Variants in GLG1 observed in about 807,000 individuals in gnomAD.
GLG1 encodes the protein Golgi apparatus protein 1.
Under a neutral mutation model 160.5 loss-of-function variants are expected in GLG1, and 38 were observed. The observed-to-expected ratio is 0.24, with a 90% CI of 0.18 to 0.31. The LOEUF (loss-of-function observed/expected upper bound fraction) is 0.31, where lower values mean the gene tolerates loss of function less well. GLG1 is among the 10% of genes least tolerant of loss of function. The probability of loss-of-function intolerance (pLI) is 1.00; values close to 1 mark genes in which losing one functional copy is unlikely to be tolerated. For missense variants in GLG1, 1,373 were observed against 1,505.2 expected (o/e 0.91, Z 1.45); for synonymous variants, 644 against 543.4 (o/e 1.19, Z -2.57).
chr16:74,554,247 A>T (rs2018287901), intron 1 of GLG1, among the ~76,000 whole-genome samples: 1 of 152,202 alleles, frequency 6.6e-6, no homozygotes, highest in African/African-American at 2.4e-5. Flanking sequence ...AATAAATGGG[A>T]GGAGAGCCAG....
chr16:74,557,892 G>C (rs1371517990), intron 1 of GLG1, among the ~76,000 whole-genome samples: 1 of 152,000 alleles, frequency 6.6e-6, no homozygotes, highest in Non-Finnish European at 1.5e-5. Context: ...GCCATAGAAA[G>C]TGTCCTGTCT....
intron 1 of GLG1, among the ~76,000 whole-genome samples, chr16:74,599,547 C>G (rs1038489875): frequency 6.6e-6 from 1 of 152,032 alleles, no homozygotes; most frequent in Non-Finnish European, 1.5e-5. Context: ...GGTGAAAACC[C>G]GTCTCTACTA....
intron 13 of GLG1, among the ~76,000 whole-genome samples, chr16:74,474,002 G>C (rs1180496608): frequency 6.6e-6 from 1 of 151,962 alleles, no homozygotes; most frequent in Admixed American, 6.6e-5. Flanking sequence ...TGCCCAGGCT[G>C]GAGTACAGTG....
At chr16:74,490,130 G>A (rs1032841144) in intron 8 of GLG1, among the ~76,000 whole-genome samples, 3 of 152,102 alleles carry the variant, frequency 2.0e-5, no homozygotes, top group Non-Finnish European at 4.4e-5. Context: ...AGGGCACACT[G>A]GTGCACATGG....
Position 74,606,917 on chromosome 16 carries a change from C to T in GLG1, c.178G>A (p.Gly60Ser). ...TGAGGCAGCTGGGGCAGCTGCTGACCCGCCGGGCCGCCGCCTCCGGCCTGC... is the reference window on the plus strand; with the variant it reads ...TGAGGCAGCTGGGGCAGCTGCTGACTCGCCGGGCCGCCGCCTCCGGCCTGC... ...VGQAGGGGPA[G>S]QQLPQLPQSS... The change falls in exon 1 of 26, where the codon GGT (glycine) becomes AGT (serine). Residue 60 changes from glycine (G) to serine (S), a missense_variant. Gly to Ser is a moderately conservative substitution (Grantham distance 56, BLOSUM62 0). Transcript: ENST00000422840. The T allele has an allele frequency of 6.2e-7, 1 of 1,606,330 alleles. No homozygotes were observed. The highest frequency in any genetic ancestry group is 8.5e-7 in the Non-Finnish European group (1 of 1,178,082).
intron 1 of GLG1, among the ~76,000 whole-genome samples, chr16:74,532,536 T>G (rs2017570797): frequency 6.6e-6 from 1 of 152,176 alleles, no homozygotes; most frequent in Non-Finnish European, 1.5e-5. Flanking sequence ...ATTTTTTATT[T>G]TTTTTGAGAC....
At chr16:74,473,766 T>C (rs1259998445) in intron 13 of GLG1, among the ~76,000 whole-genome samples, 24 of 151,956 alleles carry the variant, frequency 1.6e-4, no homozygotes, top group Admixed American at 1.6e-3. Flanking sequence ...AATATTTTAG[T>C]GGGTTTCAGG....
intron 1 of GLG1, among the ~76,000 whole-genome samples, chr16:74,585,727 A>AAG (rs1246125984): frequency 1.4e-5 from 2 of 146,806 alleles, no homozygotes; most frequent in Admixed American, 6.8e-5. Context: ...AAAAAAAAAA[A>AAG]GGCCTCTAAG....
chr16:74,598,814 G>T (rs533738838), intron 1 of GLG1, among the ~76,000 whole-genome samples: 1 of 151,788 alleles, frequency 6.6e-6, no homozygotes, highest in African/African-American at 2.4e-5. Context: ...AACCCGAGAG[G>T]TGGAGGTTGC....
intron 17 of GLG1, 106 bp from the exon 18 acceptor site, chr16:74,467,954 T>G (rs1343060733): frequency 2.0e-5 from 14 of 711,686 alleles, no homozygotes; most frequent in Non-Finnish European, 3.1e-5. Flanking sequence ...GACCCTGGCT[T>G]CTACATAGCA....
chr16:74,519,102 T>C (rs181899190), intron 2 of GLG1, among the ~76,000 whole-genome samples: 4 of 152,290 alleles, frequency 2.6e-5, no homozygotes, highest in Admixed American at 2.6e-4. Context: ...CCATCAATGA[T>C]AGACTGGATT....
At chr16:74,527,481 C>G (rs1327568037) in intron 2 of GLG1, among the ~76,000 whole-genome samples, 1 of 151,980 alleles carries the variant, frequency 6.6e-6, no homozygotes, top group East Asian at 1.9e-4. Context: ...AACTCCTGAC[C>G]TGAGGTGATC....
rs375597622 is a variant in GLG1, at chr16:74,498,264, C to T, written c.775-1620G>A. Reference sequence around the variant, plus strand: ...TGGCCAACACAGTGAAACCCTGTCTCTACTAAAAATACAAAATATCAGCTG... The same window carrying T: ...TGGCCAACACAGTGAAACCCTGTCTTTACTAAAAATACAAAATATCAGCTG... On this transcript the variant is annotated intron_variant, in intron 4 of 25. Coordinates refer to ENST00000422840, the MANE Select transcript of GLG1 (RefSeq NM_001145667.2). Among the ~76,000 whole-genome samples the T allele has an allele frequency of 2.7e-5, 4 of 149,920 alleles. No homozygotes were observed. In the South Asian group the frequency reaches 6.4e-4, roughly 24 times the overall value.
intron 2 of GLG1, among the ~76,000 whole-genome samples, chr16:74,511,205 T>C (rs375608600): frequency 6.6e-6 from 1 of 152,140 alleles, no homozygotes; most frequent in Non-Finnish European, 1.5e-5. Context: ...ATATAAAAAG[T>C]ACATTAGAAA....
chr16:74,503,057 A>G (rs1436355898), intron 4 of GLG1, among the ~76,000 whole-genome samples: 2 of 151,906 alleles, frequency 1.3e-5, no homozygotes, highest in Non-Finnish European at 2.9e-5. Flanking sequence ...AAATACAAAA[A>G]TTAGCCAGGC....
chr16:74,509,169 T>A (rs1429296201), intron 2 of GLG1, among the ~76,000 whole-genome samples: 1 of 143,952 alleles, frequency 6.9e-6, no homozygotes, highest in African/African-American at 2.5e-5. Context: ...GACAATTTTT[T>A]TTTTTTTTTT....
At chr16:74,519,299 C>CA (rs2017083517) in intron 2 of GLG1, among the ~76,000 whole-genome samples, 1 of 144,722 alleles carries the variant, frequency 6.9e-6, no homozygotes, top group African/African-American at 2.6e-5. Flanking sequence ...AACACATGGT[C>CA]ACAGGGAGGG....
chr16:74,489,471 C>CA lies in GLG1; in HGVS notation c.1449+1529dup, dbSNP rs78858513. ...GGGCAACAAGAGTGAGACTCTGTCTCAAAAAAAAAAAAGGTAGGTTCATTC... is the reference window on the plus strand; with the variant it reads ...GGGCAACAAGAGTGAGACTCTGTCTCAAAAAAAAAAAAAGGTAGGTTCATTC... On this transcript the variant is annotated intron_variant, in intron 8 of 25. Coordinates refer to ENST00000422840, the MANE Select transcript of GLG1 (RefSeq NM_001145667.2). 4.2e-3 allele frequency among the ~76,000 whole-genome samples: 562 copies of CA among 134,658 alleles called. 3 individuals are homozygous for CA. The highest frequency in any genetic ancestry group is 0.019 in the Middle Eastern group (5 of 270). 88.3% of individuals were successfully genotyped at this position (134,658 alleles called of 152,430 possible).
intron 1 of GLG1, among the ~76,000 whole-genome samples, chr16:74,580,525 C>T (rs1957915112): frequency 6.6e-6 from 1 of 151,928 alleles, no homozygotes; most frequent in Admixed American, 6.6e-5. Flanking sequence ...TTTAAATTAA[C>T]TCAAAATGGA....
Sources: allele counts gnomAD v4.1 joint callset (sites outside exome capture counted in the v4.1 genomes callset), GRCh38; gene constraint gnomAD v4.1.1; transcripts MANE v1.5; gene names NCBI Gene and HGNC (gene_info 2026-07-23, HGNC 2026-07-21).